The following VEZT variants were observed in gnomAD, a reference collection of about 807,000 sequenced individuals.
VEZT encodes the protein vezatin, adherens junctions transmembrane protein, also known as vezatin.
Under a neutral mutation model 79.9 loss-of-function variants are expected in VEZT, and 39 were observed. That is an observed-to-expected ratio of 0.49 (90% confidence interval 0.38 to 0.64). The LOEUF is 0.64. Ranked by LOEUF, VEZT falls within the 30% of genes least tolerant of loss-of-function variation. The pLI, the probability that VEZT is intolerant of heterozygous loss-of-function variation, is 0.00. For missense variants in VEZT, 837 were observed against 893.1 expected, an observed-to-expected ratio of 0.94 and a Z score of 0.80; for synonymous variants, 325 against 327.6, an observed-to-expected ratio of 0.99 and a Z score of 0.09.
intron 1 of VEZT, chr12:95,245,517 T>C (rs776121555): frequency 2.2e-6 from 1 of 456,640 alleles, no homozygotes; most frequent in East Asian, 6.9e-5. Context: ...TTTTATCCCC[T>C]GTGCCTACAT....
At chr12:95,223,704 G>T (rs370560207) in intron 1 of VEZT, among the ~76,000 whole-genome samples, 4 of 152,316 alleles carry the variant, frequency 2.6e-5, no homozygotes, top group Admixed American at 6.5e-5. Context: ...ACCCACCTCG[G>T]CCTACCAAAG....
intron 1 of VEZT, among the ~76,000 whole-genome samples, chr12:95,240,173 G>C (rs929045451): frequency 6.6e-6 from 1 of 152,170 alleles, no homozygotes; most frequent in Non-Finnish European, 1.5e-5. Flanking sequence ...GTGCTGGATT[G>C]TGGACCTGTA....
chr12:95,300,432 C>T lies in VEZT; in HGVS notation c.2099C>T (p.Pro700Leu). 2 of 1,613,886 alleles carry T rather than the reference C, an allele frequency of 1.2e-6. No individual in the cohort carries two copies. The highest frequency in any genetic ancestry group is 2.2e-5 in the East Asian group (1 of 44,890). The change falls in exon 12 of 12, where the codon CCA becomes CTA. Residue 700 changes from proline to leucine, a missense_variant. Physicochemically the swap from Pro to Leu is moderately conservative, Grantham distance 98 (BLOSUM62 -3). Coordinates refer to ENST00000436874, the MANE Select transcript of VEZT (RefSeq NM_017599.4). The part of the protein sequence containing the change: ...MCYQCESEDE[P>L]QADGSGLTTA... ...TACCAATGTGAGAGTGAAGATGAAC[C>T]ACAAGCAGATGGAAGTGGTCTGACC...
At chr12:95,276,993 T>C (rs893157067) in intron 7 of VEZT, among the ~76,000 whole-genome samples, 2 of 152,020 alleles carry the variant, frequency 1.3e-5, no homozygotes, top group Non-Finnish European at 1.5e-5. Context: ...TTTAAACCCA[T>C]CCACTTTTTT....
intron 6 of VEZT, among the ~76,000 whole-genome samples, chr12:95,272,929 G>A (rs58105765): frequency 0.015 from 2,323 of 152,122 alleles, 65 homozygotes; most frequent in African/African-American, 0.054. Context: ...TTTGCATTTT[G>A]TAGAGACAGG....
intron 1 of VEZT, chr12:95,245,545 A>T (rs2061605589): frequency 2.2e-6 from 1 of 456,736 alleles, no homozygotes; most frequent in Non-Finnish European, 4.4e-6. Flanking sequence ...GACATGGAAG[A>T]TGTTCAGTAA....
chr12:95,287,906 C>T (rs976460702), intron 9 of VEZT, 49 bp downstream of exon 9: 2 of 1,476,870 alleles, frequency 1.4e-6, no homozygotes, highest in South Asian at 2.7e-5. Context: ...CATGCTTATT[C>T]CACTCTGGTA....
intron 10 of VEZT, among the ~76,000 whole-genome samples, chr12:95,295,411 C>T (rs1195987427): frequency 6.6e-6 from 1 of 152,186 alleles, no homozygotes; most frequent in Non-Finnish European, 1.5e-5. Flanking sequence ...CCGCCTGCCT[C>T]AGCCTCCCAA....
At chr12:95,284,338 C>T (rs1264855905) in intron 8 of VEZT, among the ~76,000 whole-genome samples, 1 of 152,076 alleles carries the variant, frequency 6.6e-6, no homozygotes, top group Non-Finnish European at 1.5e-5. Context: ...TGTCTCACTC[C>T]TCTCCCCCTT....
intron 9 of VEZT, among the ~76,000 whole-genome samples, chr12:95,292,071 A>G (rs2072990995): frequency 6.6e-6 from 1 of 152,230 alleles, no homozygotes; most frequent in Non-Finnish European, 1.5e-5. Flanking sequence ...AAGTGCTGAG[A>G]TTACAGGCTT....
rs1283271260 is a variant in VEZT, at chr12:95,287,661, C to T, written c.1329-3C>T. 9.8e-6 allele frequency: 15 copies of T among 1,529,408 alleles called. No homozygotes were observed. The highest frequency in any genetic ancestry group is 1.4e-5 in the African/African-American group (1 of 72,302). The allele number at this position is 1,529,408 out of a possible 1,614,324, so 94.7% of individuals were successfully genotyped here. ...TCTGTTTCTGTTTTTCTTTATGACTCAGGGTAATAATTCTTGAAGATGAAC... is the reference window on the plus strand; with the variant it reads ...TCTGTTTCTGTTTTTCTTTATGACTTAGGGTAATAATTCTTGAAGATGAAC... On this transcript the variant is annotated splice_region_variant and splice_polypyrimidine_tract_variant and intron_variant, in intron 8 of 11. Transcript: ENST00000436874.
At chr12:95,242,011 C>T (rs2061085670) in intron 1 of VEZT, among the ~76,000 whole-genome samples, 1 of 152,196 alleles carries the variant, frequency 6.6e-6, no homozygotes, top group Non-Finnish European at 1.5e-5. Context: ...AGTCCAAATA[C>T]TTGCTCATCA....
intron 1 of VEZT, among the ~76,000 whole-genome samples, chr12:95,221,479 C>T (rs558303983): frequency 2.6e-5 from 4 of 151,868 alleles, no homozygotes; most frequent in South Asian, 2.1e-4. Flanking sequence ...GCATGAGAAT[C>T]GCTTGAACCC....
intron 1 of VEZT, among the ~76,000 whole-genome samples, chr12:95,219,829 G>T (rs2057299903): frequency 6.6e-6 from 1 of 152,070 alleles, no homozygotes; most frequent in East Asian, 1.9e-4. Flanking sequence ...AATTTGATAG[G>T]CAAAAATAAC....
At chr12:95,282,090 T>A in intron 7 of VEZT, among the ~76,000 whole-genome samples, 1 of 152,102 alleles carries the variant, frequency 6.6e-6, no homozygotes, top group East Asian at 1.9e-4. Flanking sequence ...TGTAGTAAAT[T>A]ATATATTGAT....
At chr12:95,225,880 A>G (rs1423313824) in intron 1 of VEZT, among the ~76,000 whole-genome samples, 2 of 151,108 alleles carry the variant, frequency 1.3e-5, no homozygotes, top group African/African-American at 2.4e-5. Flanking sequence ...ACTTGAGGCC[A>G]GCAGTTTGAG....
intron 11 of VEZT, chr12:95,297,106 G>A (rs1282061446): frequency 6.6e-6 from 1 of 152,256 alleles, no homozygotes; most frequent in African/African-American, 2.4e-5. Context: ...TCAGCAGAGT[G>A]GGGTAGCTGG....
chr12:95,219,968 C>T (rs2057324875), intron 1 of VEZT, among the ~76,000 whole-genome samples: 2 of 152,172 alleles, frequency 1.3e-5, no homozygotes, highest in Admixed American at 1.3e-4. Flanking sequence ...AATTGACTTG[C>T]GTGAGTTCTT....
At chr12:95,233,285 G>T (rs1368584344) in intron 1 of VEZT, among the ~76,000 whole-genome samples, 2 of 151,702 alleles carry the variant, frequency 1.3e-5, no homozygotes, top group Admixed American at 6.6e-5. Context: ...ACATAATACA[G>T]GGAAAGGATC....
Sources: allele counts gnomAD v4.1 joint callset (sites outside exome capture counted in the v4.1 genomes callset), GRCh38; gene constraint gnomAD v4.1.1; transcripts MANE v1.5; gene names NCBI Gene and HGNC (gene_info 2026-07-23, HGNC 2026-07-21).